The following HS3ST2 variants were observed in gnomAD, a reference collection of about 807,000 sequenced individuals.
HS3ST2 encodes the protein heparan sulfate-glucosamine 3-sulfotransferase 2.
HS3ST2 carries 17 observed loss-of-function variants against 26.3 expected under a neutral mutation model. The ratio of observed to expected loss-of-function variants is 0.65; its 90% CI spans 0.44 to 0.97. HS3ST2 has a LOEUF of 0.97. HS3ST2 is among the 50% of genes least tolerant of loss of function. The pLI, the probability that HS3ST2 is intolerant of heterozygous loss-of-function variation, is 0.00. For missense variants in HS3ST2, 402 were observed against 501.2 expected, an observed-to-expected ratio of 0.80 and a Z score of 1.89; for synonymous variants, 237 against 219.2, an observed-to-expected ratio of 1.08 and a Z score of -0.72.
rs761158872 is a variant in HS3ST2, at chr16:22,915,136, G to A, written c.678G>A (p.Pro226=). ...TQTLSKKPDI[P]TFEGLSFRNR... ...CACTCTCCAAGAAGCCCGACATCCC[G>A]ACCTTTGAGGGCCTCTCCTTCCGCA... Residue 226 remains proline, a synonymous_variant, in exon 2 of 2, where the codon CCG becomes CCA. Coordinates refer to ENST00000261374, the MANE Select transcript of HS3ST2 (RefSeq NM_006043.2). 11 of 1,613,928 alleles carry A rather than the reference G, an allele frequency of 6.8e-6. No homozygotes were observed. The East Asian group carries it at 1.8e-4, about 26-fold the overall frequency.
intron 1 of HS3ST2, among the ~76,000 whole-genome samples, chr16:22,901,414 C>A (rs999151998): frequency 6.6e-6 from 1 of 152,028 alleles, no homozygotes; most frequent in Admixed American, 6.6e-5. Flanking sequence ...ACTCTTAGCA[C>A]CCCCTCCCTA....
In HS3ST2 at chr16:22,843,154, G is replaced by GCA. The variant is rs1222741232; in HGVS notation, c.485+28059_485+28060insCA. Among the ~76,000 whole-genome samples the GCA allele has an allele frequency of 5.2e-3, 757 of 146,064 alleles. 13 individuals are homozygous for GCA. The highest frequency in any genetic ancestry group is 0.018 in the African/African-American group (718 of 39,508). ...ATAAGAACTCTGTGACTAGATGTATGTATGTGTGTGTGTGTGTGTGTGAAC... is the reference window on the plus strand; with the variant it reads ...ATAAGAACTCTGTGACTAGATGTATGCATATGTGTGTGTGTGTGTGTGTGAAC... On this transcript the variant is annotated intron_variant, in intron 1 of 1. Transcript: ENST00000261374.
chr16:22,831,891 C>T (rs1901175830), intron 1 of HS3ST2, among the ~76,000 whole-genome samples: 1 of 152,040 alleles, frequency 6.6e-6, no homozygotes, highest in Non-Finnish European at 1.5e-5. Flanking sequence ...TGGTGGTGGT[C>T]ACATGTATCT....
chr16:22,825,440 T>C (rs12932314), intron 1 of HS3ST2, among the ~76,000 whole-genome samples: 18,810 of 151,988 alleles, frequency 0.12, 1,242 homozygotes, highest in Middle Eastern at 0.17. Context: ...GGTGAGGCTA[T>C]TAGATGTTCG....
At chr16:22,888,610 C>A (rs1902094549) in intron 1 of HS3ST2, among the ~76,000 whole-genome samples, 1 of 152,076 alleles carries the variant, frequency 6.6e-6, no homozygotes, top group African/African-American at 2.4e-5. Context: ...TGGTCTCGAT[C>A]TCCTGACCTT....
intron 1 of HS3ST2, among the ~76,000 whole-genome samples, chr16:22,884,677 T>TATA (rs368786272): frequency 1.7e-4 from 23 of 138,310 alleles, no homozygotes; most frequent in African/African-American, 6.0e-4. Context: ...TATATATATA[T>TATA]TATATATATA....
At chr16:22,888,051 C>T (rs1450527817) in intron 1 of HS3ST2, among the ~76,000 whole-genome samples, 2 of 152,342 alleles carry the variant, frequency 1.3e-5, no homozygotes, top group African/African-American at 4.8e-5. Flanking sequence ...CACTGCCTTC[C>T]AGAGCTCCCA....
chr16:22,866,245 A>G (rs2141191274), intron 1 of HS3ST2, among the ~76,000 whole-genome samples: 1 of 152,248 alleles, frequency 6.6e-6, no homozygotes, highest in Non-Finnish European at 1.5e-5. Context: ...TATAAAACCA[A>G]AGAAAACCAA....
chr16:22,915,366 T>G lies in HS3ST2; in HGVS notation c.908T>G (p.Phe303Cys). The stretch of plus-strand genomic sequence containing the variant: ...AAGAGATTCATCACGGACAAGCACT[T>G]CTATTTCAACAAGACCAAAGGATTC... The part of the protein sequence containing the change: ...GIKRFITDKH[F>C]YFNKTKGFPC... Residue 303 changes from phenylalanine (F) to cysteine (C), a missense_variant, in exon 2 of 2, where the codon TTC becomes TGC. By Grantham distance (205) the Phe-to-Cys change is radical. Around this residue, in one of 2 missense-constraint regions of HS3ST2, gnomAD observed 237 missense variants for 346.6 expected, o/e 0.68. Transcript: ENST00000261374. The G allele has an allele frequency of 6.2e-7, 1 of 1,613,792 alleles. No homozygotes were observed. The highest frequency in any genetic ancestry group is 8.5e-7 in the Non-Finnish European group (1 of 1,179,938).
intron 1 of HS3ST2, among the ~76,000 whole-genome samples, chr16:22,880,133 G>A (rs563948823): frequency 6.6e-6 from 1 of 152,102 alleles, no homozygotes; most frequent in East Asian, 1.9e-4. Flanking sequence ...TCCAATAAAA[G>A]TGTGGGGGCC....
intron 1 of HS3ST2, among the ~76,000 whole-genome samples, chr16:22,860,528 C>T (rs1055694955): frequency 3.3e-5 from 5 of 152,108 alleles, no homozygotes; most frequent in African/African-American, 9.7e-5. Context: ...TATTTTTGAG[C>T]AATGATCACT....
At chr16:22,871,521 TG>T (rs1342692087) in intron 1 of HS3ST2, among the ~76,000 whole-genome samples, 1 of 152,220 alleles carries the variant, frequency 6.6e-6, no homozygotes, top group East Asian at 1.9e-4. Flanking sequence ...TTTCAACTTG[TG>T]GTGGATTTAG....
intron 1 of HS3ST2, among the ~76,000 whole-genome samples, chr16:22,894,115 C>G (rs1402781983): frequency 6.6e-6 from 1 of 152,152 alleles, no homozygotes; most frequent in East Asian, 1.9e-4. Flanking sequence ...GCTACCACAC[C>G]CGTCCATGCT....
chr16:22,894,296 G>T (rs1902174997), intron 1 of HS3ST2, among the ~76,000 whole-genome samples: 2 of 152,144 alleles, frequency 1.3e-5, no homozygotes, highest in African/African-American at 4.8e-5. Context: ...TGACCCTGGG[G>T]GCTCCCTGGT....
intron 1 of HS3ST2, among the ~76,000 whole-genome samples, chr16:22,872,422 G>C (rs1258912190): frequency 1.3e-5 from 2 of 152,010 alleles, no homozygotes; most frequent in Admixed American, 6.5e-5. Context: ...GGGCTCATAG[G>C]GTATTTTGAG....
chr16:22,821,233 G>C (rs1202432573), intron 1 of HS3ST2, among the ~76,000 whole-genome samples: 1 of 152,052 alleles, frequency 6.6e-6, no homozygotes, highest in African/African-American at 2.4e-5. Flanking sequence ...CTGTACAGAG[G>C]CACTTGCTGT....
intron 1 of HS3ST2, among the ~76,000 whole-genome samples, chr16:22,837,048 CT>C (rs1901266879): frequency 6.6e-6 from 1 of 151,662 alleles, no homozygotes; most frequent in African/African-American, 2.4e-5. Context: ...TTGATGTCAG[CT>C]AGGTTCATTT....
intron 1 of HS3ST2, among the ~76,000 whole-genome samples, chr16:22,852,950 A>G (rs1901538300): frequency 6.6e-6 from 1 of 152,122 alleles, no homozygotes; most frequent in African/African-American, 2.4e-5. Flanking sequence ...TAATCTCACG[A>G]AAGAAATTAT....
chr16:22,856,273 G>A (rs1392676692), intron 1 of HS3ST2, among the ~76,000 whole-genome samples: 2 of 152,166 alleles, frequency 1.3e-5, no homozygotes, highest in Non-Finnish European at 2.9e-5. Context: ...TTTTCCAGCA[G>A]ACGGAAGAAG....
Sources: allele counts gnomAD v4.1 joint callset (sites outside exome capture counted in the v4.1 genomes callset), GRCh38; gene constraint gnomAD v4.1.1; regional missense constraint gnomAD v4.1.1; transcripts MANE v1.5; gene names NCBI Gene and HGNC (gene_info 2026-07-23, HGNC 2026-07-21).